The following EYA1 variants were observed in gnomAD, a reference collection of about 807,000 sequenced individuals.
EYA1 encodes EYA transcriptional coactivator and phosphatase 1.
Under a neutral mutation model 82.0 loss-of-function variants are expected in EYA1, and 16 were observed. The observed-to-expected ratio is 0.20, with a 90% CI of 0.13 to 0.30. The LOEUF (loss-of-function observed/expected upper bound fraction) is 0.30. Ranked by LOEUF, EYA1 falls within the 10% of genes least tolerant of loss-of-function variation. EYA1 has a pLI of 1.00. For missense variants in EYA1, 633 were observed against 730.7 expected, an observed-to-expected ratio of 0.87 and a Z score of 1.54; for synonymous variants, 261 against 264.4, an observed-to-expected ratio of 0.99 and a Z score of 0.12.
At chr8:71,414,993 T>C (rs971199345) in intron 2 of EYA1, among the ~76,000 whole-genome samples, 3 of 152,230 alleles carry the variant, frequency 2.0e-5, no homozygotes, top group Non-Finnish European at 2.9e-5. Context: ...GTCTGACATA[T>C]TTTGGAGCAT....
intron 2 of EYA1, among the ~76,000 whole-genome samples, chr8:71,386,862 A>C (rs926897932): frequency 6.6e-6 from 1 of 152,210 alleles, no homozygotes; most frequent in African/African-American, 2.4e-5. Context: ...GTAAGGATTC[A>C]AAAATAACTA....
At chr8:71,362,707 T>A (rs1173939543), upstream of EYA1, among the ~76,000 whole-genome samples, 2 of 152,198 alleles carry the variant, frequency 1.3e-5, no homozygotes, top group African/African-American at 2.4e-5. Context: ...AACCAGATAA[T>A]GTTTCAGTGT....
At chr8:71,225,517 C>T (rs1810452080) in intron 12 of EYA1, among the ~76,000 whole-genome samples, 1 of 152,152 alleles carries the variant, frequency 6.6e-6, no homozygotes, top group Non-Finnish European at 1.5e-5. Context: ...AAATTTGCCC[C>T]ATTCTGTTTG....
At chr8:71,416,456 C>T (rs1230047422) in intron 2 of EYA1, among the ~76,000 whole-genome samples, 1 of 152,046 alleles carries the variant, frequency 6.6e-6, no homozygotes, top group Non-Finnish European at 1.5e-5. Flanking sequence ...TACAATACTG[C>T]TCTAATAAAA....
chr8:71,395,123 A>T (rs1160658478), intron 2 of EYA1, among the ~76,000 whole-genome samples: 1 of 152,060 alleles, frequency 6.6e-6, no homozygotes, highest in African/African-American at 2.4e-5. Flanking sequence ...AATGCTTGTG[A>T]TTTTTGCACA....
chr8:71,385,573 G>A (rs1016666781), intron 2 of EYA1, among the ~76,000 whole-genome samples: 5 of 152,064 alleles, frequency 3.3e-5, no homozygotes, highest in Non-Finnish European at 7.4e-5. Flanking sequence ...CTCACTAAGG[G>A]CCCACAACAT....
chr8:71,503,019 G>A (rs1326124745), intron 2 of EYA1, among the ~76,000 whole-genome samples: 1 of 152,022 alleles, frequency 6.6e-6, no homozygotes, highest in Admixed American at 6.6e-5. Context: ...TTCATTATAC[G>A]TATGATACTG....
chr8:71,222,649 A>T (rs1277210326), intron 12 of EYA1, among the ~76,000 whole-genome samples: 1 of 152,204 alleles, frequency 6.6e-6, no homozygotes, highest in Non-Finnish European at 1.5e-5. Context: ...ACAGACTCCT[A>T]GTTCTTAAGT....
rs1238156522 is a variant in EYA1, at chr8:71,304,988, G to T, written c.557-5268C>A. ...CAAGAGAGGCACATTTGTGTAGAAG[G>T]CTGTCACACACCAGGCTTGAACCTG... On this transcript the variant is annotated intron_variant, in intron 7 of 17. Transcript: ENST00000340726. Among the ~76,000 whole-genome samples, 2 of 142,834 alleles carry T rather than the reference G, an allele frequency of 1.4e-5. 1 individual carries two copies. Among genetic ancestry groups the T allele is most frequent in the Non-Finnish European group, 3.2e-5 (2 of 62,790 alleles). The allele number at this position is 142,834 out of a possible 152,430, so 93.7% of individuals were successfully genotyped here.
intron 4 of EYA1, among the ~76,000 whole-genome samples, chr8:71,333,704 T>A (rs1824152774): frequency 6.6e-6 from 1 of 152,220 alleles, no homozygotes; most frequent in African/African-American, 2.4e-5. Context: ...CTTAGCAAGA[T>A]GACTTGGCGA....
chr8:71,461,820 G>T (rs1453531163), intron 2 of EYA1, among the ~76,000 whole-genome samples: 1 of 152,088 alleles, frequency 6.6e-6, no homozygotes, highest in Admixed American at 6.5e-5. Flanking sequence ...CCATTCCCTA[G>T]CCAGGGTGTC....
At chr8:71,500,306 A>G (rs1344985735) in intron 2 of EYA1, among the ~76,000 whole-genome samples, 1 of 152,236 alleles carries the variant, frequency 6.6e-6, no homozygotes, top group East Asian at 1.9e-4. Context: ...ACCTCCAAGT[A>G]TGAGGAAGAT....
chr8:71,298,904 C>G (rs1819878637), intron 9 of EYA1, 143 bp downstream of exon 9: 2 of 698,040 alleles, frequency 2.9e-6, no homozygotes. Context: ...ATGAATGCCA[C>G]AGTCATGCTG....
rs571077607 is a variant in EYA1 at position 71,441,203 on chromosome 8, T to C, written c.34-84692A>G. On this transcript the variant is annotated intron_variant, in intron 2 of 18. Coordinates refer to the EYA1 transcript ENST00000643681. ...ATGCAAACAGAATGACTAATATAGA[T>C]ACACCTATGATCTGCTTTTGAGTCA... 6.6e-5 allele frequency among the ~76,000 whole-genome samples: 10 copies of C among 152,274 alleles called. No homozygotes were observed. The South Asian group carries it at 1.9e-3, about 28-fold the overall frequency.
At chr8:71,421,917 G>C (rs993543484) in intron 2 of EYA1, among the ~76,000 whole-genome samples, 4 of 152,234 alleles carry the variant, frequency 2.6e-5, no homozygotes, top group African/African-American at 9.6e-5. Context: ...ATGGGGCCAA[G>C]AGAATCCTAA....
Position 71,326,867 on chromosome 8 carries a change from T to A in EYA1, c.203-4599A>T, listed in dbSNP as rs114799744. 9.5e-3 allele frequency among the ~76,000 whole-genome samples: 1,448 copies of A among 152,204 alleles called. 29 individuals are homozygous for A. The highest frequency in any genetic ancestry group is 0.033 in the African/African-American group (1,389 of 41,536). On this transcript the variant is annotated intron_variant, in intron 4 of 17. Coordinates refer to ENST00000340726, the MANE Select transcript of EYA1 (RefSeq NM_000503.6). ...CATTCACCCCATAAAGCACCTTCCA[T>A]GCATCAAACAGTGACCTCTCAAAAA...
At chr8:71,249,988 A>ATAAATTTCAGCCTCCC (rs1212787150) in intron 11 of EYA1, among the ~76,000 whole-genome samples, 2 of 151,588 alleles carry the variant, frequency 1.3e-5, no homozygotes, top group Non-Finnish European at 2.9e-5. Flanking sequence ...CACTCGGACC[A>ATAAATTTCAGCCTCCC]TAAATTTCAG....
At chr8:71,542,551 C>T (rs574246249) in intron 1 of EYA1, among the ~76,000 whole-genome samples, 5 of 152,192 alleles carry the variant, frequency 3.3e-5, no homozygotes, top group South Asian at 2.1e-4. Context: ...TAAAATAGAA[C>T]GATTTACATT....
At chr8:71,491,635 T>C (rs1305159638) in intron 2 of EYA1, among the ~76,000 whole-genome samples, 1 of 152,204 alleles carries the variant, frequency 6.6e-6, no homozygotes, top group Non-Finnish European at 1.5e-5. Context: ...TGCTGACACC[T>C]TGGTCTGAGA....
Sources: gnomAD v4.1 joint callset for allele counts (sites outside exome capture counted in the v4.1 genomes callset) on GRCh38, gnomAD v4.1.1 for gene constraint, MANE v1.5 for transcripts, NCBI Gene and HGNC (gene_info 2026-07-23, HGNC 2026-07-21) for gene names.